NPHP3: variants seen among roughly 807,000 people sequenced by gnomAD.
The protein encoded by NPHP3 is nephrocystin-3.
NPHP3 carries 123 observed loss-of-function variants against 171.9 expected under a neutral mutation model. The observed-to-expected ratio is 0.72, with a 90% CI of 0.62 to 0.83. The LOEUF (loss-of-function observed/expected upper bound fraction) is 0.83. Among genes scored for constraint, NPHP3 ranks in the 40% least tolerant of loss-of-function variants. NPHP3 has a pLI of 0.00. For synonymous variants in NPHP3, 558 were observed against 579.2 expected (o/e 0.96, Z 0.52); for missense variants, 1,506 against 1,591.9 (o/e 0.95, Z 0.92).
At chr3:132,682,154 C>G in intron 26 of NPHP3, 64 bp from the exon 27 acceptor site, 1 of 1,416,796 alleles carries the variant, frequency 7.1e-7, no homozygotes, top group Non-Finnish European at 1.0e-6. Flanking sequence ...TCAAAATGAC[C>G]TTATGGGATA....
In NPHP3 at chr3:132,688,461, T is replaced by C. The variant is rs116435384; in HGVS notation, c.3125+189A>G. On this transcript the variant is annotated intron_variant, in intron 21 of 26. Transcript: ENST00000337331. ...CAAGACTATATGACTCGAAAGTCCATGTTCTATCCTTCATGCATCTTCAAA... is the reference window on the plus strand; with the variant it reads ...CAAGACTATATGACTCGAAAGTCCACGTTCTATCCTTCATGCATCTTCAAA... Among the ~76,000 whole-genome samples, 2,115 of 152,308 alleles carry C rather than the reference T, an allele frequency of 0.014. 49 individuals carry two copies. Among genetic ancestry groups the C allele is most frequent in the African/African-American group, 0.048 (2,008 of 41,568 alleles).
intron 19 of NPHP3, among the ~76,000 whole-genome samples, 186 bp downstream of exon 19, chr3:132,690,342 T>G (rs927860918): frequency 1.3e-5 from 2 of 152,212 alleles, no homozygotes; most frequent in African/African-American, 4.8e-5. Context: ...AGCAGTACTC[T>G]ATGTTTTCCT....
chr3:132,688,562 A>C, intron 21 of NPHP3, 88 bp downstream of exon 21: 1 of 1,387,620 alleles, frequency 7.2e-7, no homozygotes, highest in Non-Finnish European at 1.0e-6. Flanking sequence ...AAAAGTACAC[A>C]GTGATAAAAC....
intron 9 of NPHP3, among the ~76,000 whole-genome samples, chr3:132,701,979 C>CCACCGCAGTGAGCCGAGAT (rs1939622536): frequency 6.6e-6 from 1 of 152,016 alleles, no homozygotes; most frequent in African/African-American, 2.4e-5. Context: ...TGAGCCGAGA[C>CCACCGCAGTGAGCCGAGAT]AGTGCCACCG....
rs1940258422 is a variant in NPHP3 at position 132,722,309 on chromosome 3, A to T, written c.47T>A (p.Ile16Asn). 6.3e-7 allele frequency: 1 copy of T among 1,581,084 alleles called. No homozygotes were observed. Among genetic ancestry groups the T allele is most frequent in the Non-Finnish European group, 8.5e-7 (1 of 1,172,828 alleles). Reference sequence around the variant, plus strand: ...GCCGCCCGCCCCGTACGTGTCCTCGATCACTTCCCCGCCCGCGGGGCTCAC... The same window carrying T: ...GCCGCCCGCCCCGTACGTGTCCTCGTTCACTTCCCCGCCCGCGGGGCTCAC... ...SLVSPAGGEV[I>N]EDTYGAGGGE... Residue 16 changes from isoleucine to asparagine, a missense_variant, in exon 1 of 27, where the codon ATC becomes AAC. Around this residue, in one of 3 missense-constraint regions of NPHP3, gnomAD observed 930 missense variants for 924.9 expected, o/e 1.01. Coordinates refer to ENST00000337331, the MANE Select transcript of NPHP3 (RefSeq NM_153240.5).
chr3:132,714,164 A>G (rs1379597483), intron 5 of NPHP3, among the ~76,000 whole-genome samples: 1 of 152,270 alleles, frequency 6.6e-6, no homozygotes, highest in Admixed American at 6.5e-5. Context: ...GAATGAGTGC[A>G]GCAATGTTCT....
chr3:132,717,179 G>T (rs111837543), intron 3 of NPHP3: 2 of 378,692 alleles, frequency 5.3e-6, no homozygotes, highest in East Asian at 1.1e-4. Context: ...ATCATAATAA[G>T]AAGGAAGTTA....
At chr3:132,687,787 C>T (rs757736868) in intron 21 of NPHP3, among the ~76,000 whole-genome samples, 6 of 152,282 alleles carry the variant, frequency 3.9e-5, no homozygotes, top group Middle Eastern at 3.4e-3. Context: ...AGATGCCATT[C>T]ATTGGGTGCC....
At chr3:132,697,600 TTAGA>T (rs1390880706) in intron 13 of NPHP3, among the ~76,000 whole-genome samples, 1 of 152,212 alleles carries the variant, frequency 6.6e-6, no homozygotes, top group Non-Finnish European at 1.5e-5. Flanking sequence ...AGTATATACA[TTAGA>T]TAGTTACATG....
intron 3 of NPHP3, among the ~76,000 whole-genome samples, chr3:132,718,683 T>G (rs1001795127): frequency 2.6e-5 from 4 of 152,214 alleles, no homozygotes; most frequent in African/African-American, 7.2e-5. Flanking sequence ...CCCTTCCTTC[T>G]TTCCCTTGGC....
At position 132,708,190 on chromosome 3, in the gene NPHP3, G is replaced by T; in HGVS notation, c.1186C>A (p.His396Asn). ...NPEGKPRLIF[H>N]RLEDGKVSSD... ...CTGACTTTTCCATCTTCCAAACGAT[G>T]AAAGATTAATCGAGGTTTTCCTTCA... is the stretch of plus-strand genomic sequence containing the variant. The change falls in exon 7 of 27, where the codon CAT (histidine) becomes AAT (asparagine). Residue 396 changes from histidine to asparagine, a missense_variant. His to Asn is a moderately conservative substitution (Grantham distance 68, BLOSUM62 1). Coordinates refer to ENST00000337331, the MANE Select transcript of NPHP3 (RefSeq NM_153240.5). 1.9e-6 allele frequency: 3 copies of T among 1,613,976 alleles called. No individual in the cohort carries two copies. Among genetic ancestry groups the T allele is most frequent in the Non-Finnish European group, 1.7e-6 (2 of 1,179,794 alleles).
intron 3 of NPHP3, chr3:132,717,337 T>G (rs1458140537): frequency 1.2e-5 from 2 of 172,054 alleles, no homozygotes; most frequent in Non-Finnish European, 1.2e-5. Flanking sequence ...GGACATAAAC[T>G]CTTTGCAGCA....
chr3:132,704,361 C>A lies in NPHP3; in HGVS notation c.1361G>T (p.Gly454Val). ...AGTCTCCAAGTCTGTGTTCTCAAAA[C>A]CCAGTATGTCCTAAACACAAAGAAC... ...VEKIIKQDIL[G>V]FENTDLETKD... The change falls in exon 9 of 27, where the codon GGT (glycine) becomes GTT (valine). Residue 454 changes from glycine (G) to valine (V), a missense_variant. Gly to Val is a moderately radical substitution (Grantham distance 109, BLOSUM62 -3). This residue lies in a region of NPHP3 where 930 missense variants were observed against 924.9 expected (regional missense o/e 1.01). Transcript: ENST00000337331. 1 of 1,614,086 alleles carries A rather than the reference C, an allele frequency of 6.2e-7. No homozygotes were observed. The highest frequency in any genetic ancestry group is 1.6e-4 in the Middle Eastern group (1 of 6,062).
At position 132,721,623 on chromosome 3, in the gene NPHP3, C is replaced by T. The variant is rs73001991; in HGVS notation, c.393+340G>A. On this transcript the variant is annotated intron_variant, in intron 1 of 26. Transcript: ENST00000337331. ...TTTCCGGCTAATTTCTTCTAGGTGC[C>T]TCAATGAATAAACCAGAAATAGAAA... The T allele has an allele frequency of 5.6e-3, 2,425 of 432,320 alleles. 46 individuals carry two copies. Among genetic ancestry groups the T allele is most frequent in the African/African-American group, 0.044 (2,178 of 49,576 alleles). 26.8% of individuals were successfully genotyped at this position (432,320 alleles called of 1,614,324 possible).
chr3:132,695,274 A>C, intron 15 of NPHP3: 1 of 260,918 alleles, frequency 3.8e-6, no homozygotes, highest in East Asian at 8.6e-5. Flanking sequence ...TGCCACCTAC[A>C]TACAGGAAGC....
chr3:132,682,565 T>C lies in NPHP3; in HGVS notation c.3812+138A>G, dbSNP rs1475093384. 6 of 662,106 alleles carry C rather than the reference T, an allele frequency of 9.1e-6. No individual in the cohort carries two copies. The African/African-American group carries it at 9.1e-5, about 10-fold the overall frequency. 41.0% of individuals were successfully genotyped at this position (662,106 alleles called of 1,614,324 possible). On this transcript the variant is annotated intron_variant, in intron 26 of 26. Coordinates refer to ENST00000337331, the MANE Select transcript of NPHP3 (RefSeq NM_153240.5). ...TCATTTCTGGATACTACTTCAGTAC[T>C]TCTTGAAGTCAGTCAGCAAAAAACA...
intron 26 of NPHP3, chr3:132,682,410 G>A (rs1432842535): frequency 1.8e-6 from 1 of 549,010 alleles, no homozygotes. Context: ...ATACTTAATG[G>A]CAACTTCACT....
chr3:132,685,215 G>A (rs544458081), intron 23 of NPHP3: 1 of 188,600 alleles, frequency 5.3e-6, no homozygotes, highest in Non-Finnish European at 1.1e-5. Context: ...CTAGGCTCAA[G>A]TGATCCTCCC....
At position 132,692,703 on chromosome 3, in the gene NPHP3, A is replaced by G; in HGVS notation, c.2426T>C (p.Met809Thr). ...GCCACATCCATAAGTCAACAAACAC[A>G]TTTTGTATAAACTGTGAATAAGGGA... ...LTSLIHSLYK[M>T]CLLTYGCGLL... Residue 809 changes from methionine to threonine, a missense_variant, in exon 17 of 27, where the codon ATG (methionine) becomes ACG (threonine). By Grantham distance (81) the Met-to-Thr change is moderately conservative. Around this residue, in one of 3 missense-constraint regions of NPHP3, gnomAD observed 569 missense variants for 648.1 expected, o/e 0.88. Transcript: ENST00000337331. The G allele has an allele frequency of 2.5e-6, 4 of 1,614,070 alleles. No individual in the cohort carries two copies. Among genetic ancestry groups the G allele is most frequent in the Non-Finnish European group, 3.4e-6 (4 of 1,179,956 alleles).
Sources: allele counts gnomAD v4.1 joint callset (sites outside exome capture counted in the v4.1 genomes callset), GRCh38; gene constraint gnomAD v4.1.1; regional missense constraint gnomAD v4.1.1; transcripts MANE v1.5; gene names NCBI Gene and HGNC (gene_info 2026-07-23, HGNC 2026-07-21).